The following DAB1 variants were observed in gnomAD, a reference collection of about 807,000 sequenced individuals.
DAB1 encodes the protein disabled homolog 1.
Under a neutral mutation model 64.6 loss-of-function variants are expected in DAB1, and 15 were observed. The ratio of observed to expected loss-of-function variants is 0.23; its 90% CI spans 0.16 to 0.36. The LOEUF (loss-of-function observed/expected upper bound fraction) is 0.36, where lower values mean the gene tolerates loss of function less well. Among genes scored for constraint, DAB1 ranks in the 10% least tolerant of loss-of-function variants. DAB1 has a pLI of 1.00. For missense variants in DAB1, 596 were observed against 706.7 expected (o/e 0.84, Z 1.78); for synonymous variants, 235 against 251.9 (o/e 0.93, Z 0.64).
chr1:57,739,931 A>C (rs2101788178), intron 6 of DAB1, among the ~76,000 whole-genome samples: 1 of 149,896 alleles, frequency 6.7e-6, no homozygotes, highest in East Asian at 2.0e-4. Flanking sequence ...GTGGTCGCTC[A>C]TGTCTGTAAT....
At chr1:57,497,588 T>A (rs778313221) in intron 7 of DAB1, among the ~76,000 whole-genome samples, 9 of 152,214 alleles carry the variant, frequency 5.9e-5, no homozygotes, top group Non-Finnish European at 1.3e-4. Context: ...GTCTTGAGAT[T>A]CTGAGAAGAT....
chr1:57,641,285 T>A (rs1210198895), intron 7 of DAB1, among the ~76,000 whole-genome samples: 5 of 152,004 alleles, frequency 3.3e-5, no homozygotes, highest in Non-Finnish European at 7.4e-5. Flanking sequence ...TATATTCTTA[T>A]ATACCTGACT....
intron 5 of DAB1, among the ~76,000 whole-genome samples, chr1:57,896,937 C>T (rs1175846611): frequency 6.6e-6 from 1 of 152,176 alleles, no homozygotes; most frequent in Non-Finnish European, 1.5e-5. Flanking sequence ...GATGTCAACA[C>T]TCTCATTATT....
chr1:58,229,449 G>A (rs1659672790), intron 4 of DAB1, among the ~76,000 whole-genome samples: 1 of 152,182 alleles, frequency 6.6e-6, no homozygotes, highest in Non-Finnish European at 1.5e-5. Flanking sequence ...CAGGTCCTGT[G>A]TAGGACTCTG....
At chr1:57,181,925 A>G (rs985613273) in intron 2 of DAB1, among the ~76,000 whole-genome samples, 5 of 152,124 alleles carry the variant, frequency 3.3e-5, no homozygotes, top group African/African-American at 4.8e-5. Flanking sequence ...TCGCTCTGTC[A>G]CCCAGGCTGC....
intron 5 of DAB1, among the ~76,000 whole-genome samples, chr1:57,986,960 C>T (rs1273582204): frequency 6.6e-6 from 1 of 152,168 alleles, no homozygotes; most frequent in African/African-American, 2.4e-5. Flanking sequence ...TATACGAGGT[C>T]AGAGACTTTA....
chr1:58,002,656 T>A (rs1325447), intron 5 of DAB1, among the ~76,000 whole-genome samples: 27,759 of 151,882 alleles, frequency 0.18, 2,941 homozygotes, highest in East Asian at 0.34. Context: ...TACAAGCAGT[T>A]AACACAAGGT....
At chr1:58,085,986 C>T (rs1035211633) in intron 5 of DAB1, among the ~76,000 whole-genome samples, 4 of 80,036 alleles carry the variant, frequency 5.0e-5, no homozygotes, top group East Asian at 6.4e-4. Flanking sequence ...TTTTTTGAGA[C>T]GGAGTCTCGC....
At chr1:57,897,967 C>T (rs1482524308) in intron 5 of DAB1, among the ~76,000 whole-genome samples, 2 of 152,132 alleles carry the variant, frequency 1.3e-5, no homozygotes, top group African/African-American at 4.8e-5. Flanking sequence ...ATGAAGTTGA[C>T]ATGACAATCT....
intron 7 of DAB1, among the ~76,000 whole-genome samples, chr1:57,431,627 G>A (rs2101115814): frequency 6.6e-6 from 1 of 152,332 alleles, no homozygotes. Flanking sequence ...GGAGCGGGTA[G>A]CGGACAGCAG....
chr1:58,363,424 C>T (rs1323306560), intron 3 of DAB1, among the ~76,000 whole-genome samples: 3 of 152,162 alleles, frequency 2.0e-5, no homozygotes, highest in Non-Finnish European at 4.4e-5. Flanking sequence ...TGTGAAGCTG[C>T]AGCGAGGCAA....
intron 6 of DAB1, among the ~76,000 whole-genome samples, chr1:57,735,212 A>T (rs1647626294): frequency 6.6e-6 from 1 of 152,170 alleles, no homozygotes; most frequent in South Asian, 2.1e-4. Flanking sequence ...TGAAAAGACG[A>T]CTGCCTTTGT....
At chr1:57,289,717 T>C (rs530502056) in intron 2 of DAB1, among the ~76,000 whole-genome samples, 2 of 152,092 alleles carry the variant, frequency 1.3e-5, no homozygotes, top group East Asian at 1.9e-4. Context: ...TCACTGCCTA[T>C]ACAAAGAAGT....
At chr1:57,633,239 GA>G (rs1558559725) in intron 7 of DAB1, among the ~76,000 whole-genome samples, 1 of 152,200 alleles carries the variant, frequency 6.6e-6, no homozygotes, top group Non-Finnish European at 1.5e-5. Context: ...AGGGGGCCGA[GA>G]TGACACTTCT....
At chr1:58,391,133 G>C (rs544615877) in intron 3 of DAB1, among the ~76,000 whole-genome samples, 1 of 152,338 alleles carries the variant, frequency 6.6e-6, no homozygotes, top group East Asian at 1.9e-4. Flanking sequence ...AAAAGCAGAA[G>C]TGGCAACCCA....
intron 1 of DAB1, among the ~76,000 whole-genome samples, chr1:57,346,563 A>T (rs561859567): frequency 6.6e-6 from 1 of 152,292 alleles, no homozygotes; most frequent in East Asian, 1.9e-4. Context: ...TTATTAATAA[A>T]TTTCCTTTAC....
At chr1:58,189,328 A>G (rs1044024740) in intron 4 of DAB1, among the ~76,000 whole-genome samples, 7 of 152,192 alleles carry the variant, frequency 4.6e-5, no homozygotes, top group African/African-American at 1.7e-4. Flanking sequence ...TAGTTTTTCC[A>G]TAAGGTTTAT....
chr1:57,834,077 T>C (rs76352909), intron 1 of DAB1, among the ~76,000 whole-genome samples: 252 of 152,266 alleles, frequency 1.7e-3, no homozygotes, highest in African/African-American at 5.8e-3. Context: ...TATTTTGCAG[T>C]CTAATGCATT....
chr1:58,518,277 G>GGAGAAGAGAA (rs1278778501), intron 2 of DAB1, among the ~76,000 whole-genome samples: 2 of 2,404 alleles, frequency 8.3e-4, no homozygotes, highest in African/African-American at 4.2e-3. Context: ...AGAGAGGAGA[G>GGAGAAGAGAA]GAGAAGAGAA....
Sources: allele counts gnomAD v4.1 joint callset (sites outside exome capture counted in the v4.1 genomes callset), GRCh38; gene constraint gnomAD v4.1.1; transcripts MANE v1.5; gene names NCBI Gene and HGNC (gene_info 2026-07-23, HGNC 2026-07-21).